NUBPL: variants seen among roughly 807,000 people sequenced by gnomAD.
NUBPL encodes the protein NUBP iron-sulfur cluster assembly factor, mitochondrial.
NUBPL carries 31 observed loss-of-function variants against 45.7 expected under a neutral mutation model. That is an observed-to-expected ratio of 0.68 (90% confidence interval 0.51 to 0.92). NUBPL has a LOEUF of 0.92. Ranked by LOEUF, NUBPL falls within the 40% of genes least tolerant of loss-of-function variation. The pLI is 0.00. For missense variants in NUBPL, 401 were observed against 398.7 expected, an observed-to-expected ratio of 1.01 and a Z score of -0.05; for synonymous variants, 144 against 140.9, an observed-to-expected ratio of 1.02 and a Z score of -0.15.
chr14:31,848,561 T>G (rs892545545), intron 9 of NUBPL, among the ~76,000 whole-genome samples: 1 of 152,208 alleles, frequency 6.6e-6, no homozygotes, highest in African/African-American at 2.4e-5. Flanking sequence ...CAGAAAACCC[T>G]TTAACCTATT....
chr14:31,712,267 G>A (rs1279316832), intron 6 of NUBPL, among the ~76,000 whole-genome samples: 2 of 152,214 alleles, frequency 1.3e-5, no homozygotes, highest in Middle Eastern at 3.2e-3. Context: ...CCTTTAGCTA[G>A]ACAGAAAAGT....
chr14:31,823,458 C>T (rs11850880), intron 7 of NUBPL, among the ~76,000 whole-genome samples: 24,084 of 151,942 alleles, frequency 0.16, 5,516 homozygotes, highest in African/African-American at 0.51. Flanking sequence ...ACCCTACATA[C>T]TAATATATAG....
intron 6 of NUBPL, among the ~76,000 whole-genome samples, chr14:31,772,102 GATTTTCTTAAA>G (rs2039019683): frequency 6.6e-6 from 1 of 152,028 alleles, no homozygotes; most frequent in South Asian, 2.1e-4. Context: ...TTTTTCTAAA[GATTTTCTTAAA>G]ATTTTCTTAA....
chr14:31,640,591 G>A (rs1170945029), intron 4 of NUBPL, among the ~76,000 whole-genome samples: 14 of 148,072 alleles, frequency 9.5e-5, no homozygotes, highest in Non-Finnish European at 1.9e-4. Context: ...CTCCAGCCTG[G>A]GCGACAGAGT....
At chr14:31,816,045 C>G (rs1310300077) in intron 7 of NUBPL, among the ~76,000 whole-genome samples, 1 of 152,094 alleles carries the variant, frequency 6.6e-6, no homozygotes, top group East Asian at 1.9e-4. Context: ...TGATGCTGGC[C>G]TCATAAAATG....
At position 31,676,332 on chromosome 14, in the gene NUBPL, C is replaced by CT. The variant is rs777091582; in HGVS notation, c.513+2767dup. Among the ~76,000 whole-genome samples, 444 of 151,166 alleles carry CT rather than the reference C, an allele frequency of 2.9e-3. 2 individuals carry two copies. Among genetic ancestry groups the CT allele is most frequent in the Non-Finnish European group, 5.3e-3 (359 of 67,672 alleles). On this transcript the variant is annotated intron_variant, in intron 6 of 10. Coordinates refer to ENST00000281081, the MANE Select transcript of NUBPL (RefSeq NM_025152.3). The stretch of plus-strand genomic sequence containing the variant: ...GCCACTGCAACCGTCCAGGATGTAG[C>CT]TTTTTTTTTATATGGTTTCACTTAG...
chr14:31,631,076 GCC>G (rs2035329264), intron 4 of NUBPL, among the ~76,000 whole-genome samples: 1 of 152,102 alleles, frequency 6.6e-6, no homozygotes, highest in African/African-American at 2.4e-5. Flanking sequence ...CTGTTTTTCA[GCC>G]TGGAAGCTGT....
chr14:31,756,981 C>T (rs2138710462), intron 6 of NUBPL, among the ~76,000 whole-genome samples: 1 of 151,546 alleles, frequency 6.6e-6, no homozygotes, highest in South Asian at 2.1e-4. Context: ...GTCTTTGGTT[C>T]TGTTTATATG....
intron 6 of NUBPL, among the ~76,000 whole-genome samples, chr14:31,697,510 A>G (rs2139881955): frequency 6.6e-6 from 1 of 152,360 alleles, no homozygotes; most frequent in Middle Eastern, 3.4e-3. Flanking sequence ...CTGTTGTTCA[A>G]TGCAGACTTA....
chr14:31,798,708 C>T (rs1426842690), intron 7 of NUBPL, among the ~76,000 whole-genome samples: 5 of 128,862 alleles, frequency 3.9e-5, no homozygotes, highest in Non-Finnish European at 6.3e-5. Flanking sequence ...AGGAGAATGG[C>T]GTGAACCTGG....
chr14:31,630,112 T>C (rs977495131), intron 4 of NUBPL, among the ~76,000 whole-genome samples: 1 of 152,194 alleles, frequency 6.6e-6, no homozygotes, highest in Non-Finnish European at 1.5e-5. Context: ...TTAATTAAGA[T>C]GGTAGCATGC....
At chr14:31,806,780 C>A (rs1243803785) in intron 7 of NUBPL, among the ~76,000 whole-genome samples, 1 of 150,722 alleles carries the variant, frequency 6.6e-6, no homozygotes, top group African/African-American at 2.5e-5. Context: ...CATCCCCCCA[C>A]ACCACGACAG....
At chr14:31,758,175 C>T (rs1433052240) in intron 6 of NUBPL, among the ~76,000 whole-genome samples, 2 of 152,126 alleles carry the variant, frequency 1.3e-5, no homozygotes, top group African/African-American at 4.8e-5. Context: ...ATGCTGTCTT[C>T]TTGACTATCT....
intron 3 of NUBPL, among the ~76,000 whole-genome samples, chr14:31,569,059 C>T (rs1388195886): frequency 6.6e-6 from 1 of 152,020 alleles, no homozygotes; most frequent in Non-Finnish European, 1.5e-5. Context: ...TGCCCAAATA[C>T]CTTTTAAAAA....
chr14:31,626,135 A>G (rs1304019126), intron 4 of NUBPL, among the ~76,000 whole-genome samples: 1 of 151,908 alleles, frequency 6.6e-6, no homozygotes, highest in Non-Finnish European at 1.5e-5. Context: ...ACACCAAAGT[A>G]GCCATTTACC....
intron 7 of NUBPL, among the ~76,000 whole-genome samples, chr14:31,811,364 A>C (rs913854430): frequency 2.0e-5 from 3 of 151,976 alleles, no homozygotes; most frequent in African/African-American, 7.3e-5. Context: ...TCATTTCTTC[A>C]ATTTGATCTT....
chr14:31,622,006 G>A (rs905456293), intron 4 of NUBPL, among the ~76,000 whole-genome samples: 2 of 152,178 alleles, frequency 1.3e-5, no homozygotes, highest in African/African-American at 4.8e-5. Flanking sequence ...TGACCAAGAT[G>A]CTGATAGTGA....
At chr14:31,751,460 A>C (rs2038527777) in intron 6 of NUBPL, among the ~76,000 whole-genome samples, 1 of 152,256 alleles carries the variant, frequency 6.6e-6, no homozygotes, top group Non-Finnish European at 1.5e-5. Flanking sequence ...GGCCCCATGC[A>C]AGTCTGAAAC....
chr14:31,836,200 G>T (rs572158535), intron 8 of NUBPL, among the ~76,000 whole-genome samples: 120 of 152,288 alleles, frequency 7.9e-4, no homozygotes, highest in African/African-American at 2.7e-3. Context: ...AGCCAGTGAT[G>T]GATTGGAATA....
Sources: allele counts gnomAD v4.1 joint callset (sites outside exome capture counted in the v4.1 genomes callset), GRCh38; gene constraint gnomAD v4.1.1; transcripts MANE v1.5; gene names NCBI Gene and HGNC (gene_info 2026-07-23, HGNC 2026-07-21).